The following SDK2 variants were observed in gnomAD, a reference collection of about 807,000 sequenced individuals.
The protein encoded by SDK2 is protein sidekick-2.
In SDK2, 105 loss-of-function variants were observed where a neutral mutation model predicts 253.9. The ratio of observed to expected loss-of-function variants is 0.41; its 90% confidence interval spans 0.35 to 0.49. SDK2 has a LOEUF of 0.49. Ranked by LOEUF, SDK2 falls within the 20% of genes least tolerant of loss-of-function variation. The pLI, the probability that SDK2 is intolerant of heterozygous loss-of-function variation, is 0.06. For synonymous variants in SDK2, 1,249 were observed against 1,234.9 expected, an observed-to-expected ratio of 1.01 and a Z score of -0.24; for missense variants, 2,608 against 3,003.0, an observed-to-expected ratio of 0.87 and a Z score of 3.07.
At chr17:73,578,656 GC>G (rs921220754) in intron 1 of SDK2, among the ~76,000 whole-genome samples, 8 of 152,180 alleles carry the variant, frequency 5.3e-5, no homozygotes. Flanking sequence ...AGGTCCCGGA[GC>G]CCTTGGCACA....
At chr17:73,432,871 CAT>C (rs900105122) in intron 10 of SDK2, among the ~76,000 whole-genome samples, 24 of 150,206 alleles carry the variant, frequency 1.6e-4, no homozygotes, top group South Asian at 4.2e-4. Context: ...CGTGTGTGTG[CAT>C]ATGTGTGTGT....
At chr17:73,529,806 C>T (rs2064155297) in intron 1 of SDK2, among the ~76,000 whole-genome samples, 1 of 152,200 alleles carries the variant, frequency 6.6e-6, no homozygotes. Flanking sequence ...CAGAAGGAAC[C>T]CGCTGGGCTG....
At chr17:73,398,242 C>T in intron 23 of SDK2, 57 bp from the exon 24 acceptor site, 1 of 1,599,896 alleles carries the variant, frequency 6.3e-7, no homozygotes, top group East Asian at 2.2e-5. Context: ...ACTCTCAACC[C>T]TGTCCTGGTC....
At position 73,350,797 on chromosome 17, in the gene SDK2, C is replaced by T. The variant is rs1369103245; in HGVS notation, c.5759-7G>A. On this transcript the variant is annotated splice_polypyrimidine_tract_variant and splice_region_variant and intron_variant, in intron 41 of 44. Transcript: ENST00000392650. ...AAGGGGTTGGCTTTCTGGGCTGGAGCACAGATAGTCAGGTATATAGGGTGC... is the reference window on the plus strand; with the variant it reads ...AAGGGGTTGGCTTTCTGGGCTGGAGTACAGATAGTCAGGTATATAGGGTGC... 12 of 1,606,420 alleles carry T rather than the reference C, an allele frequency of 7.5e-6. No individual in the cohort carries two copies. Among genetic ancestry groups the T allele is most frequent in the Non-Finnish European group, 1.0e-5 (12 of 1,176,852 alleles).
chr17:73,445,354 G>A (rs752467410), intron 5 of SDK2, among the ~76,000 whole-genome samples: 6 of 152,088 alleles, frequency 3.9e-5, no homozygotes, highest in African/African-American at 7.2e-5. Context: ...TTAAAATTTC[G>A]CATGTGGTTC....
chr17:73,414,665 G>T lies in SDK2; in HGVS notation c.2463C>A (p.Asn821Lys). Reference protein sequence around the residue: ...TWNAPSPQFINGINQGYKLIA... With the variant: ...TWNAPSPQFIKGINQGYKLIA... ...GTACCTTGTAGCCCTGGTTGATGCC[G>T]TTGATGAACTGGGGGCTGGGGGCGT... Residue 821 changes from asparagine (N) to lysine (K), a missense_variant, in exon 18 of 45, where the codon AAC becomes AAA. By Grantham distance (94) the Asn-to-Lys change is moderately conservative (BLOSUM62 0). Transcript: ENST00000392650. 1 of 1,613,782 alleles carries T rather than the reference G, an allele frequency of 6.2e-7. No homozygotes were observed. Among genetic ancestry groups the T allele is most frequent in the African/African-American group, 1.3e-5 (1 of 75,012 alleles).
Position 73,374,680 on chromosome 17 carries a change from C to T in SDK2, c.4980+4497G>A, listed in dbSNP as rs113750006. Among the ~76,000 whole-genome samples the T allele has an allele frequency of 1.3e-3, 189 of 150,538 alleles. 2 individuals carry two copies. The East Asian group carries it at 0.035, about 28-fold the overall frequency. On this transcript the variant is annotated intron_variant, in intron 36 of 44. Transcript: ENST00000392650. ...ATGCGGTTTCGTCATGTTGGCCAGG[C>T]TGGTCTCGAACTCCTGACCTCAAGT...
chr17:73,415,700 G>GCC, intron 17 of SDK2, 111 bp downstream of exon 17: 1 of 945,746 alleles, frequency 1.1e-6, no homozygotes, highest in South Asian at 1.7e-5. Context: ...TGTTGCCCAG[G>GCC]CTGGCTTAAA....
intron 2 of SDK2, among the ~76,000 whole-genome samples, chr17:73,480,156 C>T (rs915329612): frequency 6.6e-6 from 1 of 152,154 alleles, no homozygotes; most frequent in Non-Finnish European, 1.5e-5. Flanking sequence ...ATGAGAAAAA[C>T]GGGGCCCAGA....
chr17:73,348,576 A>C, intron 44 of SDK2, 23 bp downstream of exon 44: 1 of 1,609,924 alleles, frequency 6.2e-7, no homozygotes, highest in Non-Finnish European at 8.5e-7. Flanking sequence ...CCCCTGCAGG[A>C]CACCTGGCCC....
intron 18 of SDK2, among the ~76,000 whole-genome samples, chr17:73,404,559 G>A (rs542111881): frequency 3.9e-4 from 59 of 152,276 alleles, no homozygotes; most frequent in Middle Eastern, 3.4e-3. Flanking sequence ...GGTTCAGGAA[G>A]GTTAAGGAGC....
At chr17:73,523,994 G>A (rs1039560168) in intron 1 of SDK2, among the ~76,000 whole-genome samples, 1 of 152,164 alleles carries the variant, frequency 6.6e-6, no homozygotes, top group African/African-American at 2.4e-5. Flanking sequence ...AGTGGACATT[G>A]AGCAAGGGAA....
chr17:73,384,106 G>T, intron 32 of SDK2, 95 bp from the exon 33 acceptor site: 1 of 1,373,898 alleles, frequency 7.3e-7, no homozygotes, highest in Non-Finnish European at 1.0e-6. Flanking sequence ...CACAGAGCAG[G>T]GACTATGTTT....
intron 12 of SDK2, among the ~76,000 whole-genome samples, chr17:73,427,124 A>G (rs899946715): frequency 2.0e-5 from 3 of 152,248 alleles, no homozygotes; most frequent in Non-Finnish European, 4.4e-5. Context: ...TATGGCAAGC[A>G]GACATTCTTT....
At chr17:73,512,027 G>T (rs991923108) in intron 1 of SDK2, among the ~76,000 whole-genome samples, 4 of 152,148 alleles carry the variant, frequency 2.6e-5, no homozygotes, top group Non-Finnish European at 4.4e-5. Flanking sequence ...TTGTGTTCAA[G>T]TATGTGTGTC....
chr17:73,461,194 C>T (rs1019012893), intron 3 of SDK2, among the ~76,000 whole-genome samples: 12 of 152,258 alleles, frequency 7.9e-5, no homozygotes, highest in African/African-American at 2.9e-4. Context: ...TGGGCCTGTG[C>T]CCTGCACACA....
In SDK2 at chr17:73,431,761, C is replaced by G; in HGVS notation, c.1313-92G>C. ...GCTCCAGGGCAGCATGGTCCCCCCA[C>G]AGGCCCCTGGCTCTGGAAATGCTGG... On this transcript the variant is annotated intron_variant, in intron 10 of 44. Coordinates refer to ENST00000392650, the MANE Select transcript of SDK2 (RefSeq NM_001144952.2). This position sits in a 1 kb window ranked among gnomAD's most constrained non-coding sequence, Gnocchi z 5.6. 1 of 1,320,246 alleles carries G rather than the reference C, an allele frequency of 7.6e-7. No homozygotes were observed. Among genetic ancestry groups the G allele is most frequent in the Non-Finnish European group, 1.0e-6 (1 of 993,042 alleles). The allele number at this position is 1,320,246 out of a possible 1,614,324, so 81.8% of individuals were successfully genotyped here.
chr17:73,370,010 C>T (rs2062721420), intron 36 of SDK2, among the ~76,000 whole-genome samples: 1 of 152,286 alleles, frequency 6.6e-6, no homozygotes, highest in Admixed American at 6.5e-5. Flanking sequence ...CTGAGGCCAT[C>T]CAGATAGCGG....
At chr17:73,562,650 G>T (rs1171021799) in intron 1 of SDK2, among the ~76,000 whole-genome samples, 2 of 152,100 alleles carry the variant, frequency 1.3e-5, no homozygotes, top group Admixed American at 1.3e-4. Flanking sequence ...ATGAGGATGG[G>T]GAGATGAGGA....
Sources: gnomAD v4.1 joint callset for allele counts (sites outside exome capture counted in the v4.1 genomes callset) on GRCh38, gnomAD v4.1.1 for gene constraint, Gnocchi (gnomAD v3.1) non-coding constraint, MANE v1.5 for transcripts, NCBI Gene and HGNC (gene_info 2026-07-23, HGNC 2026-07-21) for gene names.